The following DGKB variants were observed in gnomAD, a reference collection of about 807,000 sequenced individuals.
The protein encoded by DGKB is 90 kDa diacylglycerol kinase.
DGKB carries 67 observed loss-of-function variants against 114.3 expected under a neutral mutation model. The observed-to-expected ratio is 0.59, with a 90% CI of 0.48 to 0.72. The LOEUF (loss-of-function observed/expected upper bound fraction) is 0.72, where lower values mean the gene tolerates loss of function less well. Ranked by LOEUF, DGKB falls within the 30% of genes least tolerant of loss-of-function variation. The pLI, the probability that DGKB is intolerant of heterozygous loss-of-function variation, is 0.00. For synonymous variants in DGKB, 398 were observed against 323.1 expected (o/e 1.23, Z -2.49); for missense variants, 907 against 975.2 (o/e 0.93, Z 0.93).
At chr7:14,830,389 C>CAAA (rs35436521) in intron 2 of DGKB, among the ~76,000 whole-genome samples, 1 of 151,396 alleles carries the variant, frequency 6.6e-6, no homozygotes, top group East Asian at 1.9e-4. Flanking sequence ...GCAGAAATTT[C>CAAA]AAAAAAAATA....
In DGKB at chr7:14,694,201, T is replaced by C. The variant is rs899963521; in HGVS notation, c.592-7A>G. 4.5e-6 allele frequency: 7 copies of C among 1,557,844 alleles called. No homozygotes were observed. Among genetic ancestry groups the C allele is most frequent in the Non-Finnish European group, 4.3e-6 (5 of 1,150,406 alleles). ...CCATCATTTCATGGAGGATCTGGAG[T>C]AGAGGAGATAAGGGAAAATTGGTGG... On this transcript the variant is annotated splice_region_variant and splice_polypyrimidine_tract_variant and intron_variant, in intron 8 of 25. Transcript: ENST00000402815.
At chr7:14,547,921 T>A (rs915637449) in intron 20 of DGKB, among the ~76,000 whole-genome samples, 16 of 152,206 alleles carry the variant, frequency 1.1e-4, no homozygotes, top group African/African-American at 3.1e-4. Flanking sequence ...AATATGGGTA[T>A]GAAAAATGTT....
chr7:14,801,287 T>A (rs1329804231), intron 2 of DGKB, among the ~76,000 whole-genome samples: 2 of 152,150 alleles, frequency 1.3e-5, no homozygotes, highest in African/African-American at 4.8e-5. Flanking sequence ...TTAGGCAGAA[T>A]TATGATCTTG....
At chr7:14,533,598 T>C (rs987883574) in intron 20 of DGKB, among the ~76,000 whole-genome samples, 16 of 152,006 alleles carry the variant, frequency 1.1e-4, no homozygotes, top group Admixed American at 3.3e-4. Context: ...GAAATAGTTT[T>C]AAACCTAAAG....
chr7:14,885,887 T>A, intron 1 of DGKB, among the ~76,000 whole-genome samples: 1 of 151,884 alleles, frequency 6.6e-6, no homozygotes, highest in Non-Finnish European at 1.5e-5. Context: ...GCAAGCTAAA[T>A]CTACAGAATT....
intron 2 of DGKB, among the ~76,000 whole-genome samples, chr7:14,782,959 AGTCACTGGGATTACAGATGTGAGCCT>A (rs1335877643): frequency 6.6e-6 from 1 of 152,042 alleles, no homozygotes; most frequent in African/African-American, 2.4e-5. Flanking sequence ...CAGCCTCCCA[AGTCACTGGGATTACAGATGTGAGCCT>A]GTCTGGCTCA....
intron 4 of DGKB, among the ~76,000 whole-genome samples, chr7:14,736,600 G>C (rs1165357664): frequency 1.3e-5 from 2 of 152,196 alleles, no homozygotes; most frequent in African/African-American, 2.4e-5. Flanking sequence ...AAACACAGCA[G>C]GCACTCAGAG....
At chr7:14,574,476 A>T in intron 19 of DGKB, 104 bp from the exon 20 acceptor site, 1 of 949,570 alleles carries the variant, frequency 1.1e-6, no homozygotes, top group Non-Finnish European at 1.5e-6. Flanking sequence ...TCTAAAGGTA[A>T]ATAATGATTT....
At chr7:14,189,054 C>A (rs1232854876) in intron 23 of DGKB, among the ~76,000 whole-genome samples, 1 of 152,064 alleles carries the variant, frequency 6.6e-6, no homozygotes, top group Non-Finnish European at 1.5e-5. Context: ...CAAATGGAAA[C>A]AAAAGGACCA....
chr7:14,284,292 A>T (rs1401037801), intron 23 of DGKB, among the ~76,000 whole-genome samples: 380 of 146,292 alleles, frequency 2.6e-3, no homozygotes, highest in Middle Eastern at 0.017. Context: ...AGAGAAATGC[A>T]AATCAAAACC....
intron 23 of DGKB, among the ~76,000 whole-genome samples, chr7:14,274,264 G>A (rs1475997312): frequency 6.6e-6 from 1 of 152,162 alleles, no homozygotes; most frequent in Non-Finnish European, 1.5e-5. Context: ...GATACGCAGT[G>A]ATAGTTTCAG....
chr7:14,379,809 C>T (rs973677997), intron 21 of DGKB, among the ~76,000 whole-genome samples: 9 of 151,960 alleles, frequency 5.9e-5, no homozygotes, highest in Non-Finnish European at 1.0e-4. Flanking sequence ...CTGCCCGCCT[C>T]GGCCTCCCAA....
chr7:14,431,262 G>A lies in DGKB; in HGVS notation c.1835+46899C>T, dbSNP rs556657717. 3.9e-5 allele frequency among the ~76,000 whole-genome samples: 6 copies of A among 152,198 alleles called. No individual in the cohort carries two copies. In the East Asian group the frequency reaches 9.7e-4, roughly 25 times the overall value. The stretch of plus-strand genomic sequence containing the variant: ...GCTGAACCATCAGCCATTCTGCAGT[G>A]TAACTTTTAACACCTTTTAGGGTTC... On this transcript the variant is annotated intron_variant, in intron 21 of 25. Coordinates refer to ENST00000402815, the MANE Select transcript of DGKB (RefSeq NM_001350709.2).
intron 25 of DGKB, 94 bp from the exon 26 acceptor site, chr7:14,149,332 A>G (rs1297421860): frequency 1.4e-5 from 12 of 849,570 alleles, no homozygotes; most frequent in Non-Finnish European, 1.8e-5. Flanking sequence ...AAGGTTAATA[A>G]TATTTCATGA....
At chr7:14,486,550 C>G (rs537773546) in intron 20 of DGKB, among the ~76,000 whole-genome samples, 1 of 152,158 alleles carries the variant, frequency 6.6e-6, no homozygotes, top group Non-Finnish European at 1.5e-5. Flanking sequence ...GAACCTGAAC[C>G]CTGCTTTATA....
At chr7:14,521,322 T>A (rs1182883757) in intron 20 of DGKB, among the ~76,000 whole-genome samples, 1 of 152,136 alleles carries the variant, frequency 6.6e-6, no homozygotes, top group Non-Finnish European at 1.5e-5. Flanking sequence ...AACTCACTAT[T>A]CAAAAAATGG....
At chr7:14,337,682 T>G (rs1318304370) in intron 23 of DGKB, among the ~76,000 whole-genome samples, 1 of 152,164 alleles carries the variant, frequency 6.6e-6, no homozygotes. Context: ...CACTGAAATC[T>G]CTTCATATTT....
At chr7:14,476,160 A>G (rs73070075) in intron 21 of DGKB, among the ~76,000 whole-genome samples, 2,515 of 152,012 alleles carry the variant, frequency 0.017, 52 homozygotes, top group Middle Eastern at 0.094. Context: ...TAAATAATAT[A>G]TATGAATATA....
intron 20 of DGKB, among the ~76,000 whole-genome samples, chr7:14,546,021 G>T (rs1215700302): frequency 6.6e-6 from 1 of 152,100 alleles, no homozygotes; most frequent in African/African-American, 2.4e-5. Context: ...CTAAGCAAAG[G>T]AGCTGACTGA....
Sources: allele counts gnomAD v4.1 joint callset (sites outside exome capture counted in the v4.1 genomes callset), GRCh38; gene constraint gnomAD v4.1.1; transcripts MANE v1.5; gene names NCBI Gene and HGNC (gene_info 2026-07-23, HGNC 2026-07-21).